LTF: variants seen among roughly 807,000 people sequenced by gnomAD.
The protein encoded by LTF is lactotransferrin.
A neutral mutation model predicts 87.2 loss-of-function variants in LTF; 91 were observed. The observed-to-expected ratio is 1.04, with a 90% CI of 0.88 to 1.24. The LOEUF is 1.24. Ranked by LOEUF, LTF falls within the 50% of genes most tolerant of loss-of-function variation. The pLI is 0.00. For synonymous variants in LTF, 378 were observed against 356.1 expected (o/e 1.06, Z -0.69); for missense variants, 901 against 904.3 (o/e 1.00, Z 0.05).
intron 14 of LTF, among the ~76,000 whole-genome samples, chr3:46,441,024 G>T (rs1702503278): frequency 6.6e-6 from 1 of 152,204 alleles, no homozygotes; most frequent in African/African-American, 2.4e-5. Flanking sequence ...GGCTTCATTT[G>T]CATATGTTCA....
intron 13 of LTF, among the ~76,000 whole-genome samples, chr3:46,442,416 A>C (rs1702545974): frequency 6.6e-6 from 1 of 152,192 alleles, no homozygotes. Context: ...ATTTAAACAA[A>C]AGACAAGGGA....
At chr3:46,484,170 C>T (rs1194810409) in intron 1 of LTF, among the ~76,000 whole-genome samples, 1 of 152,110 alleles carries the variant, frequency 6.6e-6, no homozygotes, top group African/African-American at 2.4e-5. Context: ...TCGGAGAAGA[C>T]AAGAGCATGG....
At chr3:46,468,159 G>A (rs1703238924), upstream of LTF, 1 of 456,264 alleles carries the variant, frequency 2.2e-6, no homozygotes, top group African/African-American at 2.0e-5. Context: ...AAAGGATCCT[G>A]TTTGTAATGT....
intron 1 of LTF, among the ~76,000 whole-genome samples, chr3:46,460,780 T>C (rs1053439694): frequency 1.3e-5 from 2 of 150,578 alleles, no homozygotes; most frequent in African/African-American, 4.9e-5. Flanking sequence ...AAACTGACTT[T>C]ACTTTCAGAT....
rs189797595 is a variant in LTF, at chr3:46,449,488, C to T, written c.1057+366G>A. Reference sequence around the variant, plus strand: ...GTAGAGAAGGAGCCATAGCTGAGTTCCCCCACCATGGTGTCCCCAACTAAG... The same window carrying T: ...GTAGAGAAGGAGCCATAGCTGAGTTTCCCCACCATGGTGTCCCCAACTAAG... On this transcript the variant is annotated intron_variant, in intron 8 of 16. Transcript: ENST00000231751. 3.5e-3 allele frequency among the ~76,000 whole-genome samples: 530 copies of T among 152,250 alleles called. 3 individuals carry two copies. Among genetic ancestry groups the T allele is most frequent in the Admixed American group, 7.7e-3 (118 of 15,302 alleles).
chr3:46,437,320 A>ATTTTTT (rs10667876), intron 16 of LTF, among the ~76,000 whole-genome samples: 3 of 131,500 alleles, frequency 2.3e-5, no homozygotes, highest in African/African-American at 8.8e-5. Flanking sequence ...CTAGAATCAG[A>ATTTTTT]TTTTTTTTTT....
At chr3:46,442,488 C>T (rs559302506) in intron 13 of LTF, among the ~76,000 whole-genome samples, 1 of 150,300 alleles carries the variant, frequency 6.7e-6, no homozygotes, top group South Asian at 2.1e-4. Flanking sequence ...TAATACCTTG[C>T]TGCAGGTCTG....
chr3:46,441,399 GA>G lies in LTF; in HGVS notation c.1723+16del. The G allele has an allele frequency of 1.9e-6, 3 of 1,603,126 alleles. No homozygotes were observed. The highest frequency in any genetic ancestry group is 2.6e-6 in the Non-Finnish European group (3 of 1,173,244). On this transcript the variant is annotated intron_variant, in intron 14 of 16. Coordinates refer to ENST00000231751, the MANE Select transcript of LTF (RefSeq NM_002343.6). ...AAGACTCTGCTTTGAAGGAGAAAAGGAAACACCTTCACCTACCATCAGTGTT... is the reference window on the plus strand; with the variant it reads ...AAGACTCTGCTTTGAAGGAGAAAAGGAACACCTTCACCTACCATCAGTGTT...
chr3:46,443,762 A>T (rs1390734415), intron 12 of LTF, among the ~76,000 whole-genome samples, 180 bp from the exon 13 acceptor site: 2 of 152,082 alleles, frequency 1.3e-5, no homozygotes, highest in Non-Finnish European at 2.9e-5. Flanking sequence ...CCACCAGAAA[A>T]GCTTCATTCA....
intron 12 of LTF, 142 bp downstream of exon 12, chr3:46,445,139 A>G: frequency 1.2e-6 from 1 of 831,774 alleles, no homozygotes; most frequent in Non-Finnish European, 1.8e-6. Flanking sequence ...GGGCAGCCAC[A>G]GGGAGAATTT....
intron 1 of LTF, among the ~76,000 whole-genome samples, chr3:46,482,765 GAAAGAAAGAAAGAA>G (rs1347035387): frequency 3.3e-5 from 4 of 120,454 alleles, no homozygotes; most frequent in East Asian, 2.5e-4. Context: ...GAAAGAGAAA[GAAAGAAAGAAAGAA>G]AAAGAAAGAA....
chr3:46,479,809 T>C (rs1280457654), intron 1 of LTF, among the ~76,000 whole-genome samples: 2 of 152,204 alleles, frequency 1.3e-5, no homozygotes, highest in Non-Finnish European at 2.9e-5. Flanking sequence ...ATTACAGGCG[T>C]GAGCCACTGC....
intron 13 of LTF, chr3:46,442,043 T>A (rs1414179063): frequency 1.3e-5 from 2 of 149,798 alleles, no homozygotes; most frequent in African/African-American, 2.5e-5. Context: ...GATGAGATAG[T>A]GATGTGTTTT....
At chr3:46,444,311 C>T (rs1311902856) in intron 12 of LTF, among the ~76,000 whole-genome samples, 1 of 152,216 alleles carries the variant, frequency 6.6e-6, no homozygotes, top group African/African-American at 2.4e-5. Flanking sequence ...GGCAAACCAC[C>T]TCTGGACTAC....
At chr3:46,478,287 G>T (rs552348943) in intron 1 of LTF, among the ~76,000 whole-genome samples, 2 of 152,178 alleles carry the variant, frequency 1.3e-5, no homozygotes, top group East Asian at 1.9e-4. Flanking sequence ...GCTGCGTCCC[G>T]ACTGTCAGTC....
intron 8 of LTF, 72 bp from the exon 9 acceptor site, chr3:46,449,089 G>T: frequency 6.9e-7 from 1 of 1,451,598 alleles, no homozygotes; most frequent in Non-Finnish European, 9.3e-7. Flanking sequence ...CCCAGAGCCA[G>T]GGTCCTGCCC....
intron 1 of LTF, among the ~76,000 whole-genome samples, chr3:46,472,641 T>C (rs1203481030): frequency 6.6e-6 from 1 of 151,884 alleles, no homozygotes; most frequent in African/African-American, 2.4e-5. Context: ...AGAGATCCTC[T>C]TGAAGTTCAG....
chr3:46,473,152 C>T (rs1703316609), intron 1 of LTF, among the ~76,000 whole-genome samples: 1 of 152,148 alleles, frequency 6.6e-6, no homozygotes, highest in African/African-American at 2.4e-5. Flanking sequence ...CCCAAGTGCA[C>T]CCTTTCCTGA....
chr3:46,439,865 TAGG>T (rs956004630), intron 14 of LTF, among the ~76,000 whole-genome samples: 5 of 151,888 alleles, frequency 3.3e-5, no homozygotes, highest in Non-Finnish European at 5.9e-5. Flanking sequence ...CACTTGAAGC[TAGG>T]AGTTCATGAC....
Sources: allele counts gnomAD v4.1 joint callset (sites outside exome capture counted in the v4.1 genomes callset), GRCh38; gene constraint gnomAD v4.1.1; transcripts MANE v1.5; gene names NCBI Gene and HGNC (gene_info 2026-07-23, HGNC 2026-07-21).